The following TMEM132B variants were observed in gnomAD, a reference collection of about 807,000 sequenced individuals.
TMEM132B encodes the protein transmembrane protein 132B.
A neutral mutation model predicts 90.8 loss-of-function variants in TMEM132B; 18 were observed. That is an observed-to-expected ratio of 0.20 (90% CI 0.14 to 0.29). The LOEUF (loss-of-function observed/expected upper bound fraction) is 0.29, where lower values mean the gene tolerates loss of function less well. TMEM132B is among the 10% of genes least tolerant of loss of function. The probability of loss-of-function intolerance (pLI) is 1.00; values close to 1 mark genes in which losing one functional copy is unlikely to be tolerated. For missense variants in TMEM132B, 1,096 were observed against 1,326.8 expected, an observed-to-expected ratio of 0.83 and a Z score of 2.70; for synonymous variants, 504 against 523.3, an observed-to-expected ratio of 0.96 and a Z score of 0.50.
intron 1 of TMEM132B, among the ~76,000 whole-genome samples, chr12:125,273,115 C>G (rs1874885474): frequency 6.6e-6 from 1 of 151,888 alleles, no homozygotes; most frequent in Non-Finnish European, 1.5e-5. Flanking sequence ...AGCCATGTAC[C>G]TACTACTTAG....
intron 4 of TMEM132B, among the ~76,000 whole-genome samples, chr12:125,553,942 G>GA (rs958911571): frequency 1.3e-5 from 2 of 151,988 alleles, no homozygotes; most frequent in East Asian, 3.9e-4. Context: ...AATAATGAAT[G>GA]AAAAAAACTC....
intron 1 of TMEM132B, among the ~76,000 whole-genome samples, chr12:125,328,339 C>T (rs982745974): frequency 6.6e-6 from 1 of 152,196 alleles, no homozygotes; most frequent in African/African-American, 2.4e-5. Flanking sequence ...GTGTTCTGCC[C>T]ATGCTGTTTC....
chr12:125,571,010 A>G (rs1031018889), intron 4 of TMEM132B, among the ~76,000 whole-genome samples: 3 of 152,188 alleles, frequency 2.0e-5, no homozygotes, highest in Admixed American at 1.3e-4. Context: ...ACTAAAAACT[A>G]AGTTTTGTAT....
intron 3 of TMEM132B, among the ~76,000 whole-genome samples, chr12:125,518,904 C>T (rs925907820): frequency 3.9e-5 from 6 of 152,216 alleles, no homozygotes; most frequent in Non-Finnish European, 8.8e-5. Context: ...AGTTCTTTCT[C>T]ACTCTCAGTC....
intron 5 of TMEM132B, among the ~76,000 whole-genome samples, chr12:125,592,144 A>G (rs1885331311): frequency 6.6e-6 from 1 of 152,184 alleles, no homozygotes; most frequent in African/African-American, 2.4e-5. Context: ...AGAAAAGGCA[A>G]TGTTCATACT....
chr12:125,391,818 GCA>G (rs1213194348), intron 2 of TMEM132B, among the ~76,000 whole-genome samples: 1 of 152,068 alleles, frequency 6.6e-6, no homozygotes, highest in East Asian at 1.9e-4. Flanking sequence ...AGGCTGGAGT[GCA>G]CAGTGACATG....
intron 7 of TMEM132B, among the ~76,000 whole-genome samples, chr12:125,651,752 C>T (rs541765803): frequency 6.6e-6 from 1 of 152,132 alleles, no homozygotes; most frequent in African/African-American, 2.4e-5. Context: ...GGCCTGGGCT[C>T]TTATCTGGGA....
In TMEM132B at chr12:125,415,803, G is replaced by T; in HGVS notation, c.1106+126G>T. 8.0e-7 allele frequency: 1 copy of T among 1,256,082 alleles called. No individual in the cohort carries two copies. The highest frequency in any genetic ancestry group is 1.0e-6 in the Non-Finnish European group (1 of 955,506). 77.8% of individuals were successfully genotyped at this position (1,256,082 alleles called of 1,614,324 possible). The stretch of plus-strand genomic sequence containing the variant: ...CTGCGTTTAATGAGAAATGATTTTT[G>T]AGGTCGGCAGTCTCAAAAATCACCA... On this transcript the variant is annotated intron_variant, in intron 3 of 8. Transcript: ENST00000682704. The surrounding 1 kb of genome is among the most constrained non-coding windows in gnomAD (Gnocchi z 5.3).
At chr12:125,630,425 A>G (rs1191116957) in intron 5 of TMEM132B, among the ~76,000 whole-genome samples, 1 of 152,020 alleles carries the variant, frequency 6.6e-6, no homozygotes, top group Admixed American at 6.6e-5. Context: ...TTATTTATGT[A>G]TAGTTGCTTA....
intron 2 of TMEM132B, among the ~76,000 whole-genome samples, chr12:125,377,204 C>T (rs1370803675): frequency 6.6e-6 from 1 of 152,210 alleles, no homozygotes; most frequent in Non-Finnish European, 1.5e-5. Flanking sequence ...GGCTGATTTA[C>T]TTCAGTTGAT....
intron 1 of TMEM132B, among the ~76,000 whole-genome samples, chr12:125,249,084 G>A (rs184059687): frequency 8.0e-4 from 122 of 152,318 alleles, no homozygotes; most frequent in African/African-American, 2.8e-3. Flanking sequence ...GTTTCTCATG[G>A]TGACTTGGGA....
intron 2 of TMEM132B, among the ~76,000 whole-genome samples, chr12:125,376,384 G>A (rs1234005261): frequency 1.3e-5 from 2 of 152,094 alleles, no homozygotes; most frequent in Admixed American, 6.5e-5. Context: ...AATACAGATG[G>A]TACCCATGCT....
intron 1 of TMEM132B, among the ~76,000 whole-genome samples, chr12:125,220,433 T>A (rs1156860244): frequency 6.6e-6 from 1 of 152,254 alleles, no homozygotes. Context: ...AAGATAATGC[T>A]GTTTCTTGGA....
intron 1 of TMEM132B, among the ~76,000 whole-genome samples, chr12:125,296,952 T>A (rs375643481): frequency 3.9e-5 from 6 of 152,232 alleles, no homozygotes; most frequent in Non-Finnish European, 8.8e-5. Flanking sequence ...CTGTGGAAGA[T>A]GCATGCTTGT....
chr12:125,352,127 T>G (rs1033132549), intron 2 of TMEM132B, among the ~76,000 whole-genome samples: 1 of 152,212 alleles, frequency 6.6e-6, no homozygotes, highest in Non-Finnish European at 1.5e-5. Flanking sequence ...TTCAAGTGCT[T>G]CTTCTTCAGG....
At chr12:125,475,344 A>T (rs1328040059) in intron 3 of TMEM132B, among the ~76,000 whole-genome samples, 3 of 152,156 alleles carry the variant, frequency 2.0e-5, no homozygotes, top group Non-Finnish European at 2.9e-5. Flanking sequence ...AAGGAGAGAG[A>T]TGGAGAAAAT....
chr12:125,397,708 CT>C (rs1344121989), intron 2 of TMEM132B, among the ~76,000 whole-genome samples: 2 of 152,186 alleles, frequency 1.3e-5, no homozygotes, highest in African/African-American at 4.8e-5. Flanking sequence ...GAAGAGAAGA[CT>C]TTCTGCATTG....
At chr12:125,419,423 G>C (rs1041077920) in intron 3 of TMEM132B, among the ~76,000 whole-genome samples, 1 of 152,202 alleles carries the variant, frequency 6.6e-6, no homozygotes, top group Admixed American at 6.5e-5. Flanking sequence ...TTACATGGTG[G>C]CAAGTAAGAG....
intron 4 of TMEM132B, among the ~76,000 whole-genome samples, chr12:125,580,601 C>A (rs1885034048): frequency 6.6e-6 from 1 of 152,144 alleles, no homozygotes; most frequent in African/African-American, 2.4e-5. Flanking sequence ...TTAAGCAGGT[C>A]AGGTTAAAAT....
Sources: gnomAD v4.1 joint callset for allele counts (sites outside exome capture counted in the v4.1 genomes callset) on GRCh38, gnomAD v4.1.1 for gene constraint, Gnocchi (gnomAD v3.1) non-coding constraint, MANE v1.5 for transcripts, NCBI Gene and HGNC (gene_info 2026-07-23, HGNC 2026-07-21) for gene names.